Variants in DDR2 observed in about 807,000 individuals in gnomAD.
DDR2 encodes the protein discoidin domain-containing receptor 2.
Under a neutral mutation model 94.9 loss-of-function variants are expected in DDR2, and 27 were observed. That is an observed-to-expected ratio of 0.28 (90% CI 0.21 to 0.39). DDR2 has a LOEUF of 0.39. Among genes scored for constraint, DDR2 ranks in the 10% least tolerant of loss-of-function variants. DDR2 has a pLI of 1.00. For missense variants in DDR2, 783 were observed against 1,076.0 expected, an observed-to-expected ratio of 0.73 and a Z score of 3.81; for synonymous variants, 382 against 377.2, an observed-to-expected ratio of 1.01 and a Z score of -0.15.
chr1:162,748,447 C>G (rs181113155), intron 3 of DDR2, among the ~76,000 whole-genome samples: 1 of 152,200 alleles, frequency 6.6e-6, no homozygotes, highest in Non-Finnish European at 1.5e-5. Context: ...ACAAGAAGAG[C>G]TAACTATCCT....
chr1:162,675,780 A>G (rs1278232366), intron 2 of DDR2, among the ~76,000 whole-genome samples: 1 of 152,094 alleles, frequency 6.6e-6, no homozygotes, highest in Non-Finnish European at 1.5e-5. Context: ...TTTTAGAAAA[A>G]TCCCTGTGGC....
At chr1:162,709,875 G>A (rs77408910) in intron 2 of DDR2, among the ~76,000 whole-genome samples, 1 of 152,158 alleles carries the variant, frequency 6.6e-6, no homozygotes, top group Admixed American at 6.5e-5. Flanking sequence ...GAGGGATACT[G>A]GATGATAACA....
chr1:162,689,665 T>C (rs1434331462), intron 2 of DDR2, among the ~76,000 whole-genome samples: 2 of 149,116 alleles, frequency 1.3e-5, no homozygotes, highest in Non-Finnish European at 3.0e-5. Context: ...GGCATCAAGG[T>C]TTTGTCTTAG....
At chr1:162,681,428 G>A (rs943164896) in intron 2 of DDR2, among the ~76,000 whole-genome samples, 1 of 152,180 alleles carries the variant, frequency 6.6e-6, no homozygotes, top group African/African-American at 2.4e-5. Context: ...AGGCCACTCA[G>A]GCCTACCCGA....
chr1:162,761,193 T>A lies in DDR2; in HGVS notation c.856-18T>A. The A allele has an allele frequency of 6.2e-7, 1 of 1,613,934 alleles. No individual in the cohort carries two copies. Among genetic ancestry groups the A allele is most frequent in the South Asian group, 1.1e-5 (1 of 91,040 alleles). ...TAGCAGGGCCAACCTATCACTCACATGCCTCTTTCTCTACCAGGTCCACTG... is the reference window on the plus strand; with the variant it reads ...TAGCAGGGCCAACCTATCACTCACAAGCCTCTTTCTCTACCAGGTCCACTG... On this transcript the variant is annotated intron_variant, in intron 8 of 17. Coordinates refer to ENST00000367921, the MANE Select transcript of DDR2 (RefSeq NM_006182.4).
At chr1:162,746,228 G>T (rs1012790493) in intron 3 of DDR2, among the ~76,000 whole-genome samples, 12 of 152,204 alleles carry the variant, frequency 7.9e-5, no homozygotes, top group Non-Finnish European at 1.3e-4. Flanking sequence ...GCCAAGGGAA[G>T]CTGTGACAGA....
At chr1:162,775,330 G>T (rs531398906) in intron 14 of DDR2, among the ~76,000 whole-genome samples, 1 of 152,122 alleles carries the variant, frequency 6.6e-6, no homozygotes, top group Admixed American at 6.5e-5. Context: ...CTGTAGAGTG[G>T]TTTTTAGCAG....
intron 2 of DDR2, among the ~76,000 whole-genome samples, chr1:162,666,647 C>T (rs1658584097): frequency 6.6e-6 from 1 of 152,090 alleles, no homozygotes; most frequent in Non-Finnish European, 1.5e-5. Flanking sequence ...TCATCTGGCA[C>T]ATGGTTGCAG....
chr1:162,780,004 G>C, intron 17 of DDR2, 108 bp from the exon 18 acceptor site: 1 of 1,521,690 alleles, frequency 6.6e-7, no homozygotes, highest in East Asian at 2.2e-5. Flanking sequence ...TCAAGAAAGT[G>C]GGCAGGGGGC....
At chr1:162,743,637 A>T (rs919664812) in intron 3 of DDR2, among the ~76,000 whole-genome samples, 20 of 152,224 alleles carry the variant, frequency 1.3e-4, no homozygotes, top group African/African-American at 4.8e-4. Flanking sequence ...CAGGCTTTGA[A>T]AAAGGAAGTG....
chr1:162,632,964 G>T (rs940018524), intron 1 of DDR2, among the ~76,000 whole-genome samples: 1 of 152,218 alleles, frequency 6.6e-6, no homozygotes, highest in Non-Finnish European at 1.5e-5. Context: ...CAGGCCGATT[G>T]CAGAGTTAGT....
chr1:162,770,466 G>A lies in DDR2; in HGVS notation c.1458G>A (p.Arg486=), dbSNP rs2102181500. ...PLRPDYQEPS[R]LIRKLPEFAP... ...GCCCTGACTACCAGGAGCCATCCAG[G>A]CTGATACGAAAACTCCCAGAATTTG... The change falls in exon 12 of 18, where the codon AGG becomes AGA. Residue 486 remains arginine, a synonymous_variant. Coordinates refer to ENST00000367921, the MANE Select transcript of DDR2 (RefSeq NM_006182.4). The A allele has an allele frequency of 6.2e-7, 1 of 1,614,084 alleles. No individual in the cohort carries two copies. The highest frequency in any genetic ancestry group is 8.5e-7 in the Non-Finnish European group (1 of 1,180,024).
chr1:162,642,572 G>A, intron 1 of DDR2, among the ~76,000 whole-genome samples: 1 of 151,076 alleles, frequency 6.6e-6, no homozygotes, highest in East Asian at 2.0e-4. Flanking sequence ...TTACAGGCGT[G>A]AGCCACCGTG....
In DDR2 at chr1:162,761,333, C is replaced by T. The variant is rs766364700; in HGVS notation, c.978C>T (p.Asp326=). 79 of 1,614,076 alleles carry T rather than the reference C, an allele frequency of 4.9e-5. 1 individual carries two copies. The East Asian group carries it at 1.2e-3, about 25-fold the overall frequency. Residue 326 remains aspartate (D), a synonymous_variant, in exon 9 of 18, where the codon GAC becomes GAT. Coordinates refer to ENST00000367921, the MANE Select transcript of DDR2 (RefSeq NM_006182.4). ...TTTCCTTCCCCCTTGTCCTGGATGACGTCAACCCCAGTGCTCGGTTTGTCA... is the reference window on the plus strand; with the variant it reads ...TTTCCTTCCCCCTTGTCCTGGATGATGTCAACCCCAGTGCTCGGTTTGTCA... ...NAISFPLVLD[D]VNPSARFVTV...
Position 162,754,615 on chromosome 1 carries a change from C to T in DDR2, c.186-9C>T, listed in dbSNP as rs766633413. On this transcript the variant is annotated splice_polypyrimidine_tract_variant and intron_variant, in intron 4 of 17. Coordinates refer to ENST00000367921, the MANE Select transcript of DDR2 (RefSeq NM_006182.4). ...TTGCTCCCTCTCTCCCCAACCCTCA[C>T]CTCTCAAGGCTGGACTCAGAAGAAG... 34 of 1,613,846 alleles carry T rather than the reference C, an allele frequency of 2.1e-5. No individual in the cohort carries two copies. The Middle Eastern group carries it at 2.1e-3, about 101-fold the overall frequency.
chr1:162,728,211 T>C (rs1294785158), intron 3 of DDR2, among the ~76,000 whole-genome samples: 2 of 144,700 alleles, frequency 1.4e-5, no homozygotes, highest in Admixed American at 6.9e-5. Context: ...TATATCTTTA[T>C]ATATATATAG....
intron 2 of DDR2, among the ~76,000 whole-genome samples, chr1:162,657,237 C>T (rs953752020): frequency 1.3e-5 from 2 of 152,144 alleles, no homozygotes; most frequent in African/African-American, 4.8e-5. Context: ...TTGGTGCACT[C>T]CTCCACCCCC....
At chr1:162,715,906 AT>A (rs1291371755) in intron 2 of DDR2, among the ~76,000 whole-genome samples, 1 of 152,216 alleles carries the variant, frequency 6.6e-6, no homozygotes, top group East Asian at 1.9e-4. Flanking sequence ...GCTTTTGGAG[AT>A]TCGCAGCTTG....
In DDR2 at chr1:162,784,686, G is replaced by C. The variant is rs1225895430; in HGVS notation, c.*4440G>C. ...TGCCAAAGAGCAGTGGGGAATTGTT[G>C]AGTTGCTGTATCCTTTAAAAAAAAA... On this transcript the variant is annotated 3_prime_UTR_variant, in exon 18 of 18. Transcript: ENST00000367921. 2 of 152,026 alleles carry C rather than the reference G, an allele frequency of 1.3e-5. No individual in the cohort carries two copies. The highest frequency in any genetic ancestry group is 2.9e-5 in the Non-Finnish European group (2 of 68,014). The allele number at this position is 152,026 out of a possible 1,614,324, so 9.4% of individuals were successfully genotyped here.
Sources: gnomAD v4.1 joint callset for allele counts (sites outside exome capture counted in the v4.1 genomes callset) on GRCh38, gnomAD v4.1.1 for gene constraint, MANE v1.5 for transcripts, NCBI Gene and HGNC (gene_info 2026-07-23, HGNC 2026-07-21) for gene names.